The following CPNE4 variants were observed in gnomAD, a reference collection of about 807,000 sequenced individuals.
The protein encoded by CPNE4 is copine-4.
Under a neutral mutation model 67.9 loss-of-function variants are expected in CPNE4, and 25 were observed. The observed-to-expected ratio is 0.37, with a 90% CI of 0.27 to 0.51. The LOEUF (loss-of-function observed/expected upper bound fraction) is 0.51, where lower values mean the gene tolerates loss of function less well. Among genes scored for constraint, CPNE4 ranks in the 20% least tolerant of loss-of-function variants. The pLI is 0.93. For synonymous variants in CPNE4, 242 were observed against 244.9 expected (o/e 0.99, Z 0.11); for missense variants, 464 against 690.8 (o/e 0.67, Z 3.68).
At chr3:131,942,422 G>C (rs951701456) in intron 1 of CPNE4, among the ~76,000 whole-genome samples, 2 of 60,426 alleles carry the variant, frequency 3.3e-5, no homozygotes, top group Non-Finnish European at 2.9e-5. Context: ...TAGCTTCCTC[G>C]TGTGTGTGTG....
chr3:132,027,351 G>T lies in CPNE4; in HGVS notation c.-2+7216C>A, dbSNP rs549376407. 5.3e-5 allele frequency among the ~76,000 whole-genome samples: 8 copies of T among 152,232 alleles called. No homozygotes were observed. In the East Asian group the frequency reaches 5.8e-4, roughly 11 times the overall value. ...TTTTCTTATCTGGAAAATGGGAGGG[G>T]TGTGCATAATTTTATGGGATTGCCA... On this transcript the variant is annotated intron_variant, in intron 1 of 15. Transcript: ENST00000429747.
At chr3:132,017,937 A>G (rs2073920523) in intron 1 of CPNE4, among the ~76,000 whole-genome samples, 1 of 151,916 alleles carries the variant, frequency 6.6e-6, no homozygotes, top group African/African-American at 2.4e-5. Context: ...CTCACTGCCA[A>G]CTCCCTGAGG....
intron 2 of CPNE4, among the ~76,000 whole-genome samples, chr3:131,872,241 T>A (rs1428951849): frequency 6.6e-6 from 1 of 151,492 alleles, no homozygotes; most frequent in East Asian, 1.9e-4. Flanking sequence ...GAGAGAGAGA[T>A]TTATTATAAG....
intron 1 of CPNE4, chr3:132,017,413 T>G (rs1423403376): frequency 6.6e-6 from 1 of 151,536 alleles, no homozygotes; most frequent in Non-Finnish European, 1.5e-5. Context: ...GTAGGGAGAA[T>G]GGAAAAAAAG....
At chr3:131,623,460 G>T (rs1342552913) in intron 7 of CPNE4, among the ~76,000 whole-genome samples, 2 of 152,180 alleles carry the variant, frequency 1.3e-5, no homozygotes, top group Admixed American at 6.5e-5. Flanking sequence ...GGAGCTGTCA[G>T]CAGTCACAAG....
chr3:132,021,696 C>A (rs972266371), intron 1 of CPNE4, among the ~76,000 whole-genome samples: 1 of 152,182 alleles, frequency 6.6e-6, no homozygotes, highest in African/African-American at 2.4e-5. Context: ...TTGACAATGA[C>A]CTTTTTTGGG....
At chr3:131,863,745 A>G (rs985955873) in intron 2 of CPNE4, among the ~76,000 whole-genome samples, 2 of 152,142 alleles carry the variant, frequency 1.3e-5, no homozygotes, top group Non-Finnish European at 2.9e-5. Context: ...TTTTGTTGCC[A>G]TTGCTTTTGG....
intron 2 of CPNE4, among the ~76,000 whole-genome samples, chr3:131,743,397 T>C (rs1206987758): frequency 6.6e-6 from 1 of 152,162 alleles, no homozygotes; most frequent in East Asian, 1.9e-4. Flanking sequence ...CACAGAAAGC[T>C]AGACAGCTCA....
intron 1 of CPNE4, among the ~76,000 whole-genome samples, chr3:131,958,044 C>T (rs1455326847): frequency 6.6e-6 from 1 of 152,122 alleles, no homozygotes; most frequent in Non-Finnish European, 1.5e-5. Context: ...AATAATGGGA[C>T]ATTGAAATAG....
intron 7 of CPNE4, among the ~76,000 whole-genome samples, chr3:131,620,934 C>G (rs1940428692): frequency 6.6e-6 from 1 of 152,160 alleles, no homozygotes; most frequent in African/African-American, 2.4e-5. Context: ...TTTAAGCCAC[C>G]AATTTTGTGG....
chr3:132,004,311 G>A (rs924912892), intron 1 of CPNE4, among the ~76,000 whole-genome samples: 2 of 152,010 alleles, frequency 1.3e-5, no homozygotes, highest in African/African-American at 4.8e-5. Context: ...AGCATATAGA[G>A]AAGAAAATCA....
At chr3:132,000,022 T>A (rs2073390482) in intron 1 of CPNE4, among the ~76,000 whole-genome samples, 1 of 148,408 alleles carries the variant, frequency 6.7e-6, no homozygotes, top group South Asian at 2.2e-4. Context: ...TCAATGTACA[T>A]CTACTGTGCC....
At chr3:131,971,598 A>T (rs2072504889) in intron 1 of CPNE4, among the ~76,000 whole-genome samples, 1 of 152,168 alleles carries the variant, frequency 6.6e-6, no homozygotes, top group African/African-American at 2.4e-5. Context: ...ACAAAACTTT[A>T]CTGTGCTCAA....
chr3:131,896,246 C>CAT lies in CPNE4; in HGVS notation c.180+9016_180+9017dup, dbSNP rs1281289149. Among the ~76,000 whole-genome samples the CAT allele has an allele frequency of 8.6e-5, 13 of 152,014 alleles. No individual in the cohort carries two copies. In the South Asian group the frequency reaches 1.5e-3, roughly 17 times the overall value. On this transcript the variant is annotated intron_variant, in intron 2 of 15. Transcript: ENST00000429747. ...GTTTATGACTAATTTTGATAATATA[C>CAT]ATATATATACACATATATTCTTTAT... is the stretch of plus-strand genomic sequence containing the variant.
At chr3:131,593,841 A>T (rs1318206417) in intron 7 of CPNE4, among the ~76,000 whole-genome samples, 1 of 152,062 alleles carries the variant, frequency 6.6e-6, no homozygotes, top group African/African-American at 2.4e-5. Context: ...CCTCCCAAGT[A>T]GCTGGGACTA....
At chr3:131,655,722 T>C (rs112612795) in intron 7 of CPNE4, among the ~76,000 whole-genome samples, 30 of 152,306 alleles carry the variant, frequency 2.0e-4, no homozygotes, top group African/African-American at 6.7e-4. Context: ...GGATGCTCTT[T>C]CTTTTCTCAC....
chr3:131,545,298 A>G (rs1935764625), intron 14 of CPNE4, among the ~76,000 whole-genome samples: 1 of 152,232 alleles, frequency 6.6e-6, no homozygotes, highest in African/African-American at 2.4e-5. Context: ...CAAGCCATTG[A>G]AAAACAGTTT....
At chr3:131,548,929 C>G (rs1347559326) in intron 14 of CPNE4, among the ~76,000 whole-genome samples, 1 of 152,034 alleles carries the variant, frequency 6.6e-6, no homozygotes, top group East Asian at 1.9e-4. Flanking sequence ...AGGACAGTAG[C>G]TAAAGGGCAA....
At chr3:131,822,096 TGC>T (rs2084982458) in intron 2 of CPNE4, among the ~76,000 whole-genome samples, 1 of 152,198 alleles carries the variant, frequency 6.6e-6, no homozygotes, top group Non-Finnish European at 1.5e-5. Context: ...GTAAATTCAG[TGC>T]AACTGGATTT....
Sources: allele counts gnomAD v4.1 joint callset (sites outside exome capture counted in the v4.1 genomes callset), GRCh38; gene constraint gnomAD v4.1.1; transcripts MANE v1.5; gene names NCBI Gene and HGNC (gene_info 2026-07-23, HGNC 2026-07-21).